The following C2orf92 variants were observed in gnomAD, a reference collection of about 807,000 sequenced individuals.
The protein encoded by C2orf92 is chromosome 2 open reading frame 92, also known as uncharacterized protein C2orf92.
chr2:97,693,853 G>A (rs1365517276), intron 5 of C2orf92, among the ~76,000 whole-genome samples: 1 of 152,074 alleles, frequency 6.6e-6, no homozygotes, highest in African/African-American at 2.4e-5. Flanking sequence ...TGATACATAT[G>A]ATAGGTGTTT....
At chr2:97,696,436 CA>C (rs541150028) in intron 5 of C2orf92, among the ~76,000 whole-genome samples, 16 of 145,434 alleles carry the variant, frequency 1.1e-4, no homozygotes, top group Admixed American at 2.8e-4. Context: ...AGTGACCATT[CA>C]AAAAAAAAAG....
chr2:97,675,065 C>T (rs1573203616), intron 2 of C2orf92, among the ~76,000 whole-genome samples: 2 of 152,198 alleles, frequency 1.3e-5, no homozygotes, highest in Admixed American at 1.3e-4. Context: ...ATTTCTCTTC[C>T]AGCACTGATG....
chr2:97,702,574 C>T, intron 7 of C2orf92, 95 bp from the exon 8 acceptor site: 2 of 397,782 alleles, frequency 5.0e-6, no homozygotes, highest in Non-Finnish European at 8.9e-6. Flanking sequence ...AATCCTCACG[C>T]TGGGAAGCGT....
intron 2 of C2orf92, 67 bp from the exon 3 acceptor site, chr2:97,675,778 A>G: frequency 7.5e-6 from 3 of 398,986 alleles, no homozygotes; most frequent in Non-Finnish European, 1.3e-5. Context: ...GAAGAGTATC[A>G]ATCTGAAGGG....
upstream of C2orf92, chr2:97,668,546 T>C (rs1400282057): frequency 6.6e-6 from 1 of 152,264 alleles, no homozygotes; most frequent in African/African-American, 2.4e-5. Flanking sequence ...GAACCAGCCC[T>C]GCTGACGTCT....
chr2:97,698,283 T>C (rs1489095707), intron 5 of C2orf92, among the ~76,000 whole-genome samples: 1 of 152,228 alleles, frequency 6.6e-6, no homozygotes, highest in African/African-American at 2.4e-5. Context: ...CTGGCAAAGA[T>C]AGGCAGGCCA....
At chr2:97,697,046 C>T (rs1676328239) in intron 5 of C2orf92, among the ~76,000 whole-genome samples, 1 of 152,192 alleles carries the variant, frequency 6.6e-6, no homozygotes, top group Admixed American at 6.5e-5. Context: ...TTCTGCACTC[C>T]TTTAAGAAGG....
upstream of C2orf92, among the ~76,000 whole-genome samples, chr2:97,667,700 G>A (rs1675280185): frequency 6.6e-6 from 1 of 152,074 alleles, no homozygotes; most frequent in South Asian, 2.1e-4. Context: ...CCAAAATGCT[G>A]GGATTACAGG....
At chr2:97,686,428 TC>T (rs1413899899) in intron 3 of C2orf92, among the ~76,000 whole-genome samples, 8 of 152,046 alleles carry the variant, frequency 5.3e-5, no homozygotes, top group Admixed American at 4.6e-4. Context: ...TTTTTTTTTT[TC>T]TTTTTTCTGA....
chr2:97,698,011 C>G (rs1051343353), intron 5 of C2orf92: 1 of 152,058 alleles, frequency 6.6e-6, no homozygotes, highest in African/African-American at 2.4e-5. Context: ...GAAGATTTAC[C>G]AAACCCATCC....
intron 3 of C2orf92, among the ~76,000 whole-genome samples, chr2:97,687,347 A>G (rs1421432645): frequency 2.0e-5 from 3 of 152,208 alleles, no homozygotes; most frequent in African/African-American, 7.2e-5. Flanking sequence ...AGCTTGGGTG[A>G]CACAGCGAGA....
intron 3 of C2orf92, among the ~76,000 whole-genome samples, chr2:97,686,482 C>A (rs538037011): frequency 4.6e-5 from 7 of 151,978 alleles, no homozygotes; most frequent in African/African-American, 1.7e-4. Context: ...TGCAATGGCG[C>A]GATATCAGCT....
At chr2:97,689,805 G>T (rs577018518) in intron 4 of C2orf92, among the ~76,000 whole-genome samples, 8 of 152,316 alleles carry the variant, frequency 5.3e-5, no homozygotes, top group Non-Finnish European at 1.0e-4. Context: ...GCTCACACAA[G>T]TTGAGTTCTA....
intron 6 of C2orf92, among the ~76,000 whole-genome samples, chr2:97,699,639 G>A (rs1164041615): frequency 6.6e-6 from 1 of 151,870 alleles, no homozygotes; most frequent in Non-Finnish European, 1.5e-5. Context: ...ACCCAACTCC[G>A]GGAATTTCAC....
intron 5 of C2orf92, chr2:97,697,984 C>G (rs1240639429): frequency 6.6e-6 from 1 of 152,038 alleles, no homozygotes; most frequent in African/African-American, 2.4e-5. Flanking sequence ...CTCTATCTCT[C>G]TGTGAACAAG....
At chr2:97,671,374 T>C in intron 1 of C2orf92, 2 of 396,948 alleles carry the variant, frequency 5.0e-6, no homozygotes, top group Admixed American at 4.4e-5. Context: ...CTCGAACTCC[T>C]GACCTCAAGT....
At chr2:97,690,148 C>CAA (rs753393989) in intron 4 of C2orf92, 108 bp from the exon 5 acceptor site, 2 of 350,178 alleles carry the variant, frequency 5.7e-6, no homozygotes, top group Non-Finnish European at 1.0e-5. Flanking sequence ...AAAAAAACCA[C>CAA]AAAAAAACCA....
At chr2:97,667,747 T>C (rs993767967), upstream of C2orf92, among the ~76,000 whole-genome samples, 4 of 152,156 alleles carry the variant, frequency 2.6e-5, no homozygotes, top group South Asian at 8.3e-4. Context: ...GATGATTGTC[T>C]TATAAAAGCC....
At chr2:97,693,603 C>G (rs1057187307) in intron 5 of C2orf92, among the ~76,000 whole-genome samples, 3 of 152,148 alleles carry the variant, frequency 2.0e-5, no homozygotes, top group African/African-American at 4.8e-5. Context: ...TTCCTAATAT[C>G]AAACCAACCT....
Sources: gnomAD v4.1 joint callset for allele counts (sites outside exome capture counted in the v4.1 genomes callset) on GRCh38, gnomAD v4.1.1 for gene constraint, MANE v1.5 for transcripts, NCBI Gene and HGNC (gene_info 2026-07-23, HGNC 2026-07-21) for gene names.